Variants in SCO2 observed in about 807,000 individuals in gnomAD.
SCO2 encodes the protein synthesis of cytochrome C oxidase 2.
For missense variants in SCO2, 429 were observed against 348.7 expected (o/e 1.23, Z -1.83); for synonymous variants, 195 against 148.6 (o/e 1.31, Z -2.27).
At position 50,523,593 on chromosome 22, in the gene SCO2, G is replaced by A. The variant is rs749308818; in HGVS notation, c.*18C>T. Reference sequence around the variant, plus strand: ...TTAAACGCAGCCCGTTTAATGATGGGGCCCAGACTGCAGTGGCTCAAGACA... The same window carrying A: ...TTAAACGCAGCCCGTTTAATGATGGAGCCCAGACTGCAGTGGCTCAAGACA... On this transcript the variant is annotated 3_prime_UTR_variant, in exon 2 of 2. Coordinates refer to ENST00000395693, the MANE Select transcript of SCO2 (RefSeq NM_005138.3). 6.2e-7 allele frequency: 1 copy of A among 1,612,208 alleles called. No individual in the cohort carries two copies. The highest frequency in any genetic ancestry group is 1.1e-5 in the South Asian group (1 of 91,036).
Position 50,524,285 on chromosome 22 carries a change from GGCCCT to G in SCO2, c.122_126del (p.Gln41ProfsTer39). The stretch of plus-strand genomic sequence containing the variant: ...TGGCCCTGCCCACCTGTCTCTGCAG[GGCCCT>G]GCCTTGACAAAAGCCAGGACCTCAG... On this transcript the variant is annotated frameshift_variant, in exon 2 of 2. Transcript: ENST00000395693. LOFTEE classifies it low-confidence loss of function (END_TRUNC). The G allele has an allele frequency of 6.2e-7, 1 of 1,603,420 alleles. No individual in the cohort carries two copies. Among genetic ancestry groups the G allele is most frequent in the Non-Finnish European group, 8.5e-7 (1 of 1,179,802 alleles).
rs775173963 is a variant in SCO2, at chr22:50,523,900, C to G, written c.512G>C (p.Arg171Pro). The stretch of plus-strand genomic sequence containing the variant: ...GCGGGCCATGGCTTCAACGTCGTCC[C>G]GCTCGGGGTCCACAGTGATGAAGAC... ...QPVFITVDPE[R>P]DDVEAMARYV... Residue 171 changes from arginine (R) to proline (P), a missense_variant, in exon 2 of 2, where the codon CGG becomes CCG. Arg to Pro is a moderately radical substitution (Grantham distance 103). Coordinates refer to ENST00000395693, the MANE Select transcript of SCO2 (RefSeq NM_005138.3). The G allele has an allele frequency of 6.2e-7, 1 of 1,613,800 alleles. No individual in the cohort carries two copies. Among genetic ancestry groups the G allele is most frequent in the East Asian group, 2.2e-5 (1 of 44,878 alleles).
chr22:50,525,363 C>A, intron 1 of SCO2, 109 bp downstream of exon 1: 1 of 280,148 alleles, frequency 3.6e-6, no homozygotes, highest in South Asian at 3.3e-5. Context: ...CCAGCGCGCC[C>A]TGGGGTGTGC....
Position 50,524,223 on chromosome 22 carries a change from G to GATCAGCAGCC in SCO2, c.179_188dup (p.Ile63MetfsTer22), listed in dbSNP as rs1467767014. The GATCAGCAGCC allele has an allele frequency of 1.9e-6, 3 of 1,607,988 alleles. No homozygotes were observed. The highest frequency in any genetic ancestry group is 2.5e-6 in the Non-Finnish European group (3 of 1,179,902). ...CGAGTCCAGCCCCGAACAGGCCTGT[G>GATCAGCAGCC]ATCAGCAGCCGGGTTCGAAGCCCAG... is the stretch of plus-strand genomic sequence containing the variant. On this transcript the variant is annotated frameshift_variant, in exon 2 of 2. Transcript: ENST00000395693. LOFTEE classifies it low-confidence loss of function (END_TRUNC).
intron 1 of SCO2, 146 bp from the exon 2 acceptor site, chr22:50,524,570 T>G: frequency 1.3e-6 from 1 of 762,488 alleles, no homozygotes; most frequent in Non-Finnish European, 2.3e-6. Flanking sequence ...TCACCTGAGC[T>G]CAGAACTCCA....
chr22:50,524,375 T>G lies in SCO2; in HGVS notation c.37A>C (p.Arg13=), dbSNP rs775574288. The G allele has an allele frequency of 4.4e-6, 7 of 1,603,160 alleles. No individual in the cohort carries two copies. The South Asian group carries it at 6.6e-5, about 15-fold the overall frequency. ...ACCCGAGGCTTGAGCTGAGAGAGCC[T>G]GTGCCAAGCTGTGGGGCTCCGAGTC... ...LLTRSPTAWH[R]LSQLKPRVLP... The change falls in exon 2 of 2, where the codon AGG becomes CGG. Residue 13 remains arginine, a synonymous_variant. Coordinates refer to ENST00000395693, the MANE Select transcript of SCO2 (RefSeq NM_005138.3).
upstream of SCO2, chr22:50,526,094 C>A: frequency 6.7e-7 from 1 of 1,486,448 alleles, no homozygotes; most frequent in Non-Finnish European, 8.9e-7. Context: ...GCCCCGAGCT[C>A]GTGCAGCACC....
rs1603441766 is a variant in SCO2 at position 50,525,499 on chromosome 22, C to G, written c.-41G>C. ...CGCGGCGGGGCCGCGCGTCAGTGGA[C>G]CAAGCACGAGAGGAAGCGCCGACCT... On this transcript the variant is annotated 5_prime_UTR_variant, in exon 1 of 2. Transcript: ENST00000395693. The G allele has an allele frequency of 5.6e-6, 3 of 533,778 alleles. No individual in the cohort carries two copies. The highest frequency in any genetic ancestry group is 9.9e-6 in the Non-Finnish European group (3 of 303,508). The allele number at this position is 533,778 out of a possible 1,614,324, so 33.1% of individuals were successfully genotyped here. A position where few individuals can be genotyped will look rare whatever the true frequency, so the allele number is the denominator to read the frequency against.
Position 50,524,442 on chromosome 22 carries a change from C to T in SCO2, c.-13-18G>A, listed in dbSNP as rs377135647. On this transcript the variant is annotated intron_variant, in intron 1 of 1. Coordinates refer to ENST00000395693, the MANE Select transcript of SCO2 (RefSeq NM_005138.3). The stretch of plus-strand genomic sequence containing the variant: ...TGATGCTCCTGGAAACAAGCACAGG[C>T]GTCAGGAGCCAGAAGGGAAGGCCCA... 16 of 1,606,946 alleles carry T rather than the reference C, an allele frequency of 1.0e-5. No homozygotes were observed. Among genetic ancestry groups the T allele is most frequent in the Non-Finnish European group, 1.4e-5 (16 of 1,177,136 alleles).
At chr22:50,525,764 G>C (rs781431121), upstream of SCO2, 1 of 1,610,494 alleles carries the variant, frequency 6.2e-7, no homozygotes, top group South Asian at 1.1e-5. Flanking sequence ...TCGCGGCAAA[G>C]GAGCTTTATT....
rs566087824 is a variant in SCO2 at position 50,523,885 on chromosome 22, G to A, written c.527C>T (p.Ala176Val). 31 of 1,613,920 alleles carry A rather than the reference G, an allele frequency of 1.9e-5. 1 individual carries two copies. In the Admixed American group the frequency reaches 3.0e-4, roughly 16 times the overall value. The change falls in exon 2 of 2, where the codon GCC becomes GTC. Residue 176 changes from alanine (A) to valine (V), a missense_variant. Transcript: ENST00000395693. ...GAAGTCCTGGACGTAGCGGGCCATGGCTTCAACGTCGTCCCGCTCGGGGTC... is the reference window on the plus strand; with the variant it reads ...GAAGTCCTGGACGTAGCGGGCCATGACTTCAACGTCGTCCCGCTCGGGGTC... ...TVDPERDDVE[A>V]MARYVQDFHP... is the part of the protein sequence containing the mutation.
At chr22:50,526,442 C>G (rs1233240253), upstream of SCO2, 2 of 1,498,168 alleles carry the variant, frequency 1.3e-6, no homozygotes, top group Non-Finnish European at 1.8e-6. Context: ...GGGCCTGAGT[C>G]CCCGCGTGTC....
chr22:50,524,883 T>C, intron 1 of SCO2: 10 of 344,924 alleles, frequency 2.9e-5, no homozygotes, highest in South Asian at 2.1e-4. Flanking sequence ...TCCTCCACAC[T>C]CCCAGCAGAA....
chr22:50,525,519 C>T lies in SCO2; in HGVS notation c.-61G>A, dbSNP rs975009935. 5.3e-6 allele frequency: 3 copies of T among 569,646 alleles called. No individual in the cohort carries two copies. Among genetic ancestry groups the T allele is most frequent in the African/African-American group, 4.0e-5 (2 of 49,520 alleles). 35.3% of individuals were successfully genotyped at this position (569,646 alleles called of 1,614,324 possible). On this transcript the variant is annotated 5_prime_UTR_variant, in exon 1 of 2. Transcript: ENST00000395693. ...GTGGACCAAGCACGAGAGGAAGCGC[C>T]GACCTCCAGCTCCCTGCGCTCTGCC...
intron 1 of SCO2, among the ~76,000 whole-genome samples, chr22:50,525,121 G>A (rs991276513): frequency 2.6e-5 from 4 of 152,202 alleles, no homozygotes; most frequent in Non-Finnish European, 5.9e-5. Context: ...GAGGTCTCAG[G>A]ACTCCCGGTC....
At chr22:50,526,063 TC>T, upstream of SCO2, 1 of 1,482,606 alleles carries the variant, frequency 6.7e-7, no homozygotes, top group Admixed American at 2.3e-5. Context: ...GCGGAGCGGC[TC>T]CCCAGCGCGG....
upstream of SCO2, chr22:50,525,661 G>A (rs1291211740): frequency 6.7e-6 from 10 of 1,503,026 alleles, no homozygotes; most frequent in Non-Finnish European, 9.0e-6. Flanking sequence ...GTGCGCGGAA[G>A]GCGGAGCCCG....
chr22:50,524,053 CG>C lies in SCO2; in HGVS notation c.358del (p.Arg120GlyfsTer6), dbSNP rs763990034. The C allele has an allele frequency of 3.1e-6, 5 of 1,613,414 alleles. No homozygotes were observed. The South Asian group carries it at 4.4e-5, about 14-fold the overall frequency. On this transcript the variant is annotated frameshift_variant, in exon 2 of 2. Coordinates refer to ENST00000395693, the MANE Select transcript of SCO2 (RefSeq NM_005138.3). LOFTEE classifies it low-confidence loss of function (END_TRUNC). ...AAAGTACATCAGCACCCACTGGCCCCGGAAGTCAGCCTTGCAGCGAGCCCGG... is the reference window on the plus strand; with the variant it reads ...AAAGTACATCAGCACCCACTGGCCCCGAAGTCAGCCTTGCAGCGAGCCCGG... ...RGRARCKADF[R>X]GQWVLMYFGF... is the part of the protein sequence containing the mutation.
In SCO2 at chr22:50,524,199, G is replaced by A. The variant is rs2069222562; in HGVS notation, c.213C>T (p.Leu71=). 5.6e-6 allele frequency: 9 copies of A among 1,608,510 alleles called. No individual in the cohort carries two copies. The highest frequency in any genetic ancestry group is 1.3e-5 in the African/African-American group (1 of 74,912). ...CCCTCAGGGCCAGCCAGGCCCCACC[G>A]AGTCCAGCCCCGAACAGGCCTGTGA... The part of the protein sequence containing the change: ...LLITGLFGAG[L]GGAWLALRAE... The change falls in exon 2 of 2, where the codon CTC becomes CTT. Residue 71 remains leucine, a synonymous_variant. Coordinates refer to ENST00000395693, the MANE Select transcript of SCO2 (RefSeq NM_005138.3).
Sources: gnomAD v4.1 joint callset for allele counts (sites outside exome capture counted in the v4.1 genomes callset) on GRCh38, gnomAD v4.1.1 for gene constraint, MANE v1.5 for transcripts, NCBI Gene and HGNC (gene_info 2026-07-23, HGNC 2026-07-21) for gene names.